SSB: variants seen among roughly 807,000 people sequenced by gnomAD.
SSB encodes the protein small RNA binding exonuclease protection factor La.
A neutral mutation model predicts 52.9 loss-of-function variants in SSB; 17 were observed. The ratio of observed to expected loss-of-function variants is 0.32; its 90% confidence interval spans 0.22 to 0.48. The LOEUF is 0.48. Among genes scored for constraint, SSB ranks in the 20% least tolerant of loss-of-function variants. SSB has a pLI of 0.99. For synonymous variants in SSB, 111 were observed against 152.1 expected (o/e 0.73, Z 1.99); for missense variants, 314 against 463.6 (o/e 0.68, Z 2.96).
chr2:169,808,733 CA>C, intron 7 of SSB, 126 bp from the exon 8 acceptor site: 22 of 1,027,966 alleles, frequency 2.1e-5, no homozygotes, highest in Admixed American at 4.8e-5. Flanking sequence ...ATTGGACGAT[CA>C]AAAAAACCTA....
Position 169,811,252 on chromosome 2 carries a change from A to C in SSB, c.1067A>C (p.Gln356Pro), listed in dbSNP as rs1255649253. The C allele has an allele frequency of 3.1e-6, 5 of 1,610,636 alleles. No individual in the cohort carries two copies. The African/African-American group carries it at 5.4e-5, about 17-fold the overall frequency. Reference protein sequence around the residue: ...AQPGSGKGKVQFQGKKTKFAS... With the variant: ...AQPGSGKGKVPFQGKKTKFAS... ...CCTGGGTCTGGTAAAGGAAAAGTAC[A>C]GTTTCAGGGCAAGAAAACGAAATTT... The change falls in exon 11 of 12, where the codon CAG becomes CCG. Residue 356 changes from glutamine to proline, a missense_variant. Gln to Pro is a moderately conservative substitution (Grantham distance 76). Transcript: ENST00000260956.
intron 2 of SSB, 40 bp from the exon 3 acceptor site, chr2:169,805,434 A>G (rs1030429675): frequency 6.9e-7 from 1 of 1,452,454 alleles, no homozygotes; most frequent in Non-Finnish European, 9.6e-7. Context: ...TGGAGTCCAT[A>G]TTATACAGTG....
intron 2 of SSB, among the ~76,000 whole-genome samples, chr2:169,805,014 C>T (rs1689798515): frequency 6.6e-6 from 1 of 152,018 alleles, no homozygotes; most frequent in Non-Finnish European, 1.5e-5. Context: ...CCTGTAATCC[C>T]AGCTACTCAG....
At chr2:169,805,224 A>G (rs897250644) in intron 2 of SSB, among the ~76,000 whole-genome samples, 7 of 152,234 alleles carry the variant, frequency 4.6e-5, no homozygotes, top group Admixed American at 2.0e-4. Context: ...GAGCCTTTTC[A>G]TATAATCTTT....
At chr2:169,799,278 C>CT (rs55750138) in intron 1 of SSB, 19,840 of 103,040 alleles carry the variant, frequency 0.19, 2,358 homozygotes, top group Admixed American at 0.25. Context: ...CCCATTGCGT[C>CT]TTTTTTTTTT....
intron 9 of SSB, chr2:169,810,638 G>A (rs889713370): frequency 9.1e-6 from 6 of 660,616 alleles, no homozygotes; most frequent in South Asian, 2.2e-5. Context: ...GTCACTATAT[G>A]TGATGTCTGA....
chr2:169,809,608 A>G (rs1689901554), intron 8 of SSB, among the ~76,000 whole-genome samples: 1 of 151,868 alleles, frequency 6.6e-6, no homozygotes, highest in Non-Finnish European at 1.5e-5. Context: ...AATAATGACT[A>G]TAAAATTTTT....
In SSB at chr2:169,812,056, G is replaced by T; in HGVS notation, c.*300G>T. ...TAATAAAATATATACTATATGAAAAGAGCAAAAACAGTTTTTGATTTTTTT... is the reference window on the plus strand; with the variant it reads ...TAATAAAATATATACTATATGAAAATAGCAAAAACAGTTTTTGATTTTTTT... On this transcript the variant is annotated 3_prime_UTR_variant, in exon 12 of 12. Coordinates refer to ENST00000260956, the MANE Select transcript of SSB (RefSeq NM_003142.5). The T allele has an allele frequency of 1.5e-6, 1 of 658,568 alleles. No individual in the cohort carries two copies. Among genetic ancestry groups the T allele is most frequent in the Non-Finnish European group, 2.5e-6 (1 of 400,906 alleles). 40.8% of individuals were successfully genotyped at this position (658,568 alleles called of 1,614,324 possible). A position where few individuals can be genotyped will look rare whatever the true frequency, so the allele number is the denominator to read the frequency against.
In SSB at chr2:169,811,780, A is replaced by C. The variant is rs1316070955; in HGVS notation, c.*24A>C. 6.2e-7 allele frequency: 1 copy of C among 1,613,272 alleles called. No homozygotes were observed. Among genetic ancestry groups the C allele is most frequent in the Non-Finnish European group, 8.5e-7 (1 of 1,179,708 alleles). On this transcript the variant is annotated 3_prime_UTR_variant, in exon 12 of 12. Transcript: ENST00000260956. ...AGTTTAGTAAACCAATTTTTTATTC[A>C]TTTTAAATAGGTTTTAAACGACTTT...
At position 169,810,363 on chromosome 2, in the gene SSB, C is replaced by G; in HGVS notation, c.750C>G (p.His250Gln). ...ATCAGACCTGTAGAGAAGATTTACACATACTTTTCTCAAATCATGGTGAAA... is the reference window on the plus strand; with the variant it reads ...ATCAGACCTGTAGAGAAGATTTACAGATACTTTTCTCAAATCATGGTGAAA... ...LDDQTCREDLHILFSNHGEIK... is the reference protein window; with the variant it reads ...LDDQTCREDLQILFSNHGEIK... The change falls in exon 9 of 12, where the codon CAC becomes CAG. Residue 250 changes from histidine (H) to glutamine (Q), a missense_variant. Coordinates refer to ENST00000260956, the MANE Select transcript of SSB (RefSeq NM_003142.5). The G allele has an allele frequency of 6.2e-7, 1 of 1,610,082 alleles. No homozygotes were observed. The highest frequency in any genetic ancestry group is 8.5e-7 in the Non-Finnish European group (1 of 1,178,550).
Position 169,807,021 on chromosome 2 carries a change from A to G in SSB, c.504A>G (p.Val168=), listed in dbSNP as rs765542277. 5.6e-6 allele frequency: 9 copies of G among 1,613,908 alleles called. No homozygotes were observed. Among genetic ancestry groups the G allele is most frequent in the Middle Eastern group, 1.6e-4 (1 of 6,078 alleles). ...GCATTGAATCTGCTAAGAAATTTGT[A>G]GAGACCCCTGGCCAGAAGTACAAAG... ...FDSIESAKKF[V]ETPGQKYKET... is the part of the protein sequence containing the mutation. Residue 168 remains valine, a synonymous_variant, in exon 6 of 12, where the codon GTA becomes GTG. Transcript: ENST00000260956.
Position 169,812,009 on chromosome 2 carries a change from G to C in SSB, c.*253G>C. 1 of 827,446 alleles carries C rather than the reference G, an allele frequency of 1.2e-6. No individual in the cohort carries two copies. The highest frequency in any genetic ancestry group is 1.9e-6 in the Non-Finnish European group (1 of 527,928). The allele number at this position is 827,446 out of a possible 1,614,324, so 51.3% of individuals were successfully genotyped here. A position where few individuals can be genotyped will look rare whatever the true frequency, so the allele number is the denominator to read the frequency against. On this transcript the variant is annotated 3_prime_UTR_variant, in exon 12 of 12. Transcript: ENST00000260956. ...CCATTAAATTGCCTTTGTAATATGA[G>C]AATGTATTAGTACAAACTAACTAAT...
intron 6 of SSB, among the ~76,000 whole-genome samples, 200 bp downstream of exon 6, chr2:169,807,271 C>G (rs1046805317): frequency 2.0e-5 from 3 of 151,964 alleles, no homozygotes; most frequent in Non-Finnish European, 2.9e-5. Flanking sequence ...TACCTTTTCA[C>G]TGTTAACAAT....
intron 9 of SSB, 52 bp from the exon 10 acceptor site, chr2:169,810,806 T>C (rs979777820): frequency 1.3e-6 from 2 of 1,528,138 alleles, no homozygotes; most frequent in Non-Finnish European, 1.8e-6. Context: ...AAGAAATTAA[T>C]TGTGGGACTA....
chr2:169,799,158 G>C (rs1324331250), intron 1 of SSB, 182 bp downstream of exon 1: 1 of 152,154 alleles, frequency 6.6e-6, no homozygotes, highest in Non-Finnish European at 1.5e-5. Context: ...GGCGCGGGCG[G>C]CGGCGAGGCT....
At chr2:169,799,027 T>C (rs1469618912) in intron 1 of SSB, 51 bp downstream of exon 1, 6 of 152,162 alleles carry the variant, frequency 3.9e-5, no homozygotes, top group Non-Finnish European at 8.8e-5. Context: ...TCCGCTTTGC[T>C]GGTGCGCGAC....
intron 8 of SSB, 81 bp downstream of exon 8, chr2:169,808,983 G>T: frequency 1.8e-6 from 2 of 1,125,500 alleles, no homozygotes; most frequent in Non-Finnish European, 2.7e-6. Flanking sequence ...ACTTTTTCAA[G>T]AAAATACGTA....
chr2:169,810,615 CTT>C (rs1689929411), intron 9 of SSB, 192 bp downstream of exon 9: 1 of 681,060 alleles, frequency 1.5e-6, no homozygotes, highest in South Asian at 2.2e-5. Context: ...TGATCATTTA[CTT>C]TGTTGTTATT....
chr2:169,808,552 C>A lies in SSB; in HGVS notation c.625C>A (p.Gln209Lys), dbSNP rs1227101487. The change falls in exon 7 of 12, where the codon CAG becomes AAG. Residue 209 changes from glutamine to lysine, a missense_variant and splice_region_variant. Transcript: ENST00000260956. Reference protein sequence around the residue: ...NKVEAKLRAKQEQEAKQKLEE... With the variant: ...NKVEAKLRAKKEQEAKQKLEE... The stretch of plus-strand genomic sequence containing the variant: ...AGTGGAAGCTAAATTAAGAGCTAAA[C>A]AGTAAGTATGTTGAACTAATCACGA... 2.5e-6 allele frequency: 4 copies of A among 1,606,180 alleles called. No individual in the cohort carries two copies. The highest frequency in any genetic ancestry group is 1.7e-4 in the Middle Eastern group (1 of 5,984).
Sources: gnomAD v4.1 joint callset for allele counts (sites outside exome capture counted in the v4.1 genomes callset) on GRCh38, gnomAD v4.1.1 for gene constraint, MANE v1.5 for transcripts, NCBI Gene and HGNC (gene_info 2026-07-23, HGNC 2026-07-21) for gene names.